The following DMD variants were observed in gnomAD, a reference collection of about 807,000 sequenced individuals.
DMD encodes dystrophin, also known as mutant dystrophin.
In DMD, 63 loss-of-function variants were observed where a neutral mutation model predicts 330.1. The observed-to-expected ratio is 0.19, with a 90% CI of 0.16 to 0.24. The LOEUF (loss-of-function observed/expected upper bound fraction) is 0.24. DMD is among the 10% of genes least tolerant of loss of function. DMD has a pLI of 1.00. For missense variants in DMD, 3,344 were observed against 2,684.1 expected (o/e 1.25, Z -5.43); for synonymous variants, 1,223 against 959.8 (o/e 1.27, Z -5.07).
intron 43 of DMD, among the ~76,000 whole-genome samples, chrX:32,235,709 A>G (rs2097185274): frequency 9.0e-6 from 1 of 111,466 alleles, no homozygotes; most frequent in African/African-American, 3.3e-5. Context: ...ATCATGTACA[A>G]AAGGTAAATA....
At chrX:32,527,976 A>G in intron 17 of DMD, among the ~76,000 whole-genome samples, 1 of 111,890 alleles carries the variant, frequency 8.9e-6, no homozygotes. Flanking sequence ...TGTATGTTTA[A>G]GTTGCTTTAA....
In DMD at chrX:32,310,141, C is replaced by G. The variant is rs765460659; in HGVS notation, c.6058G>C (p.Ala2020Pro). Residue 2020 changes from alanine to proline, a missense_variant, in exon 42 of 79, where the codon GCT (alanine) becomes CCT (proline). Transcript: ENST00000357033. ...ALLEVEQLLN[A>P]PDLCAKDFED... Reference sequence around the variant, plus strand: ...AAGTCCTTAGCACAGAGGTCAGGAGCATTGAGAAGTTGTTCCACTTCTAAT... The same window carrying G: ...AAGTCCTTAGCACAGAGGTCAGGAGGATTGAGAAGTTGTTCCACTTCTAAT... 4.1e-5 allele frequency: 50 copies of G among 1,207,753 alleles called. No homozygotes were observed. The highest frequency in any genetic ancestry group is 5.5e-5 in the Non-Finnish European group (49 of 893,584).
intron 2 of DMD, among the ~76,000 whole-genome samples, chrX:33,004,309 G>C (rs2093349558): frequency 9.0e-6 from 1 of 111,242 alleles, no homozygotes; most frequent in Non-Finnish European, 1.9e-5. Flanking sequence ...TCTAACAAAG[G>C]CTGCAGGCTC....
chrX:32,032,227 G>A (rs936304923), intron 44 of DMD, among the ~76,000 whole-genome samples: 15 of 111,187 alleles, frequency 1.3e-4, no homozygotes, highest in Admixed American at 1.1e-3. Context: ...GATTTATACT[G>A]TCTCCATTTC....
At chrX:31,396,136 A>AT (rs2060912501) in intron 60 of DMD, among the ~76,000 whole-genome samples, 1 of 75,803 alleles carries the variant, frequency 1.3e-5, no homozygotes, top group Non-Finnish European at 2.3e-5. Flanking sequence ...CAAAGATGAC[A>AT]ATTTTTTTTT....
intron 44 of DMD, among the ~76,000 whole-genome samples, chrX:32,110,820 A>G (rs1287338629): frequency 8.9e-6 from 1 of 112,059 alleles, no homozygotes; most frequent in African/African-American, 3.2e-5. Context: ...CTGTAATGTG[A>G]TCCTCCTTTA....
chrX:32,590,534 C>A (rs534207305), intron 13 of DMD, among the ~76,000 whole-genome samples: 1 of 111,686 alleles, frequency 9.0e-6, no homozygotes, highest in Non-Finnish European at 1.9e-5. Flanking sequence ...ACCCAATCAG[C>A]TGCCAGTTAG....
intron 1 of DMD, among the ~76,000 whole-genome samples, chrX:33,265,427 GC>G (rs2053027209): frequency 9.0e-6 from 1 of 110,530 alleles, no homozygotes; most frequent in Non-Finnish European, 1.9e-5. Flanking sequence ...TGTTCCATAG[GC>G]CCCTTGTAAA....
At chrX:32,650,681 C>G (rs2060090642) in intron 9 of DMD, among the ~76,000 whole-genome samples, 1 of 111,922 alleles carries the variant, frequency 8.9e-6, no homozygotes. Context: ...GACATTCAAC[C>G]TAATGACACT....
intron 2 of DMD, among the ~76,000 whole-genome samples, chrX:32,908,393 T>C (rs2086902448): frequency 8.9e-6 from 1 of 111,981 alleles, no homozygotes; most frequent in Non-Finnish European, 1.9e-5. Flanking sequence ...CAAAAAACAC[T>C]GAAAATATTT....
intron 66 of DMD, among the ~76,000 whole-genome samples, chrX:31,205,771 G>T (rs1252955298): frequency 8.9e-6 from 1 of 112,765 alleles, no homozygotes; most frequent in African/African-American, 3.2e-5. Context: ...AGACAGAGTG[G>T]CTTTTATCTC....
At chrX:32,532,807 A>G (rs2047604450) in intron 17 of DMD, among the ~76,000 whole-genome samples, 2 of 112,250 alleles carry the variant, frequency 1.8e-5, no homozygotes, top group African/African-American at 6.5e-5. Flanking sequence ...AACAAGAATA[A>G]AAACTGCAAA....
intron 9 of DMD, among the ~76,000 whole-genome samples, chrX:32,684,929 C>G (rs902051276): frequency 1.8e-5 from 2 of 111,500 alleles, no homozygotes; most frequent in African/African-American, 6.5e-5. Context: ...TCCTTAGAGT[C>G]TTTCTTAAAA....
intron 55 of DMD, among the ~76,000 whole-genome samples, chrX:31,595,576 A>G (rs767908242): frequency 9.0e-6 from 1 of 111,609 alleles, no homozygotes; most frequent in South Asian, 3.7e-4. Flanking sequence ...ACTCCCCTGA[A>G]TAAAGTAATT....
At position 32,365,282 on chromosome X, in the gene DMD, T is replaced by C; in HGVS notation, c.4846-83A>G. 3 of 977,165 alleles carry C rather than the reference T, an allele frequency of 3.1e-6. No homozygotes were observed. In the South Asian group the frequency reaches 6.0e-5, roughly 20 times the overall value. The allele number at this position is 977,165 out of a possible 1,213,427, so 80.5% of individuals were successfully genotyped here. On this transcript the variant is annotated intron_variant, in intron 34 of 78. Coordinates refer to ENST00000357033, the MANE Select transcript of DMD (RefSeq NM_004006.3). The stretch of plus-strand genomic sequence containing the variant: ...CTTATGAAACGGCTTTCTGTATGGT[T>C]ACTATGATTCTGCAAGGTTTTAAAC...
intron 7 of DMD, among the ~76,000 whole-genome samples, chrX:32,722,821 T>A (rs996571116): frequency 7.2e-5 from 8 of 111,402 alleles, no homozygotes; most frequent in African/African-American, 2.6e-4. Context: ...AGTTCTAACA[T>A]TTTTCTTGTG....
intron 44 of DMD, among the ~76,000 whole-genome samples, chrX:32,180,918 GA>G (rs1023179608): frequency 9.0e-6 from 1 of 111,178 alleles, no homozygotes; most frequent in African/African-American, 3.3e-5. Flanking sequence ...GGATTGTGGG[GA>G]TTACAATTCA....
intron 1 of DMD, among the ~76,000 whole-genome samples, chrX:33,124,483 A>C (rs113011524): frequency 1.6e-4 from 9 of 54,639 alleles, no homozygotes; most frequent in African/African-American, 5.9e-4. Flanking sequence ...TCTGAAAAAA[A>C]AAAAAAAAAA....
chrX:32,891,921 C>T (rs1241419371), intron 2 of DMD, among the ~76,000 whole-genome samples: 1 of 111,179 alleles, frequency 9.0e-6, no homozygotes, highest in Non-Finnish European at 1.9e-5. Context: ...GCCATCCTCT[C>T]GCGTCATAGT....
Sources: allele counts gnomAD v4.1 joint callset (sites outside exome capture counted in the v4.1 genomes callset), GRCh38; gene constraint gnomAD v4.1.1; transcripts MANE v1.5; gene names NCBI Gene and HGNC (gene_info 2026-07-23, HGNC 2026-07-21).